Variants in CRMP1 observed in about 807,000 individuals in gnomAD.
CRMP1 encodes the protein collapsin response mediator protein 1, also known as dihydropyrimidinase-related protein 1.
A neutral mutation model predicts 68.3 loss-of-function variants in CRMP1; 19 were observed. That is an observed-to-expected ratio of 0.28 (90% confidence interval 0.19 to 0.41). The LOEUF (loss-of-function observed/expected upper bound fraction) is 0.41, where lower values mean the gene tolerates loss of function less well. Among genes scored for constraint, CRMP1 ranks in the 10% least tolerant of loss-of-function variants. The pLI, the probability that CRMP1 is intolerant of heterozygous loss-of-function variation, is 1.00. For synonymous variants in CRMP1, 439 were observed against 399.6 expected, an observed-to-expected ratio of 1.10 and a Z score of -1.18; for missense variants, 791 against 967.4, an observed-to-expected ratio of 0.82 and a Z score of 2.42.
rs200993871 is a variant in CRMP1 at position 5,866,652 on chromosome 4, G to C, written c.470+16C>G. 1 of 1,603,378 alleles carries C rather than the reference G, an allele frequency of 6.2e-7. No homozygotes were observed. Among genetic ancestry groups the C allele is most frequent in the Non-Finnish European group, 8.5e-7 (1 of 1,173,920 alleles). On this transcript the variant is annotated intron_variant, in intron 2 of 13. Transcript: ENST00000324989. The surrounding 1 kb of genome is among the most constrained non-coding windows in gnomAD (Gnocchi z 5.9). ...GCGACACAGGTTTCTTAAAAGGTCC[G>C]TTTTGATCAACCCACTTGATAAGTC...
chr4:5,868,458 C>A (rs891374209), intron 1 of CRMP1, among the ~76,000 whole-genome samples: 1 of 151,624 alleles, frequency 6.6e-6, no homozygotes, highest in Non-Finnish European at 1.5e-5. Context: ...CCTGCCACCA[C>A]ACTTGGCTAA....
At position 5,854,169 on chromosome 4, in the gene CRMP1, G is replaced by C. The variant is rs993304417; in HGVS notation, c.820+1974C>G. 3.9e-5 allele frequency among the ~76,000 whole-genome samples: 6 copies of C among 152,234 alleles called. No homozygotes were observed. Among genetic ancestry groups the C allele is most frequent in the Non-Finnish European group, 8.8e-5 (6 of 68,032 alleles). Reference sequence around the variant, plus strand: ...ACTTAACATTAGGTAAGGAAAGTAAGATACAAGACTGTCAATTTCCTTGGA... The same window carrying C: ...ACTTAACATTAGGTAAGGAAAGTAACATACAAGACTGTCAATTTCCTTGGA... On this transcript the variant is annotated intron_variant, in intron 4 of 13. Transcript: ENST00000324989. This position sits in a 1 kb window ranked among gnomAD's most constrained non-coding sequence, Gnocchi z 4.0.
intron 1 of CRMP1, among the ~76,000 whole-genome samples, chr4:5,873,392 A>G (rs865833990): frequency 1.6e-4 from 25 of 152,174 alleles, no homozygotes; most frequent in African/African-American, 5.8e-4. Context: ...TAATTTGTGA[A>G]GAAAAGAAAA....
At chr4:5,862,947 A>G (rs935517779) in intron 2 of CRMP1, among the ~76,000 whole-genome samples, 3 of 152,168 alleles carry the variant, frequency 2.0e-5, no homozygotes, top group Non-Finnish European at 1.5e-5. Context: ...CTGGAACTAC[A>G]CAGGCTTGCA....
intron 11 of CRMP1, among the ~76,000 whole-genome samples, chr4:5,831,961 G>A (rs1425364507): frequency 1.3e-5 from 2 of 152,110 alleles, no homozygotes; most frequent in East Asian, 1.9e-4. Flanking sequence ...TAAACTAAAC[G>A]TGGTCCATCC....
chr4:5,825,697 G>A lies in CRMP1; in HGVS notation c.1804-38C>T. On this transcript the variant is annotated intron_variant, in intron 12 of 13. Coordinates refer to ENST00000324989, the MANE Select transcript of CRMP1 (RefSeq NM_001014809.3). The surrounding 1 kb of genome is among the most constrained non-coding windows in gnomAD (Gnocchi z 4.4). ...AGGGAGAGTGTGATTGATCGACACT[G>A]TGCATGTGTGCCCTTCTGGGCAGAT... 1 of 1,598,864 alleles carries A rather than the reference G, an allele frequency of 6.3e-7. No homozygotes were observed. The highest frequency in any genetic ancestry group is 8.5e-7 in the Non-Finnish European group (1 of 1,171,226).
rs892234528 is a variant in CRMP1 at position 5,858,745 on chromosome 4, G to C, written c.655+2281C>G. Among the ~76,000 whole-genome samples the C allele has an allele frequency of 6.6e-6, 1 of 152,068 alleles. No homozygotes were observed. The highest frequency in any genetic ancestry group is 2.4e-5 in the African/African-American group (1 of 41,400). On this transcript the variant is annotated intron_variant, in intron 3 of 13. Transcript: ENST00000324989. The surrounding 1 kb of genome is among the most constrained non-coding windows in gnomAD (Gnocchi z 5.5). ...CATTGCCCATCACCCATATGAGAAA[G>C]AGCCACAGCCTCATCAGGCCATCGA...
chr4:5,888,397 C>T lies in CRMP1; in HGVS notation c.381+4192G>A. 1.6e-6 allele frequency: 2 copies of T among 1,220,800 alleles called. No individual in the cohort carries two copies. The highest frequency in any genetic ancestry group is 2.0e-6 in the Non-Finnish European group (2 of 980,276). The allele number at this position is 1,220,800 out of a possible 1,614,324, so 75.6% of individuals were successfully genotyped here. ...AGGGATAGAGACACGGACGGAGGCTCGGCGCCCGTGGATGCCCACGCGCGG... is the reference window on the plus strand; with the variant it reads ...AGGGATAGAGACACGGACGGAGGCTTGGCGCCCGTGGATGCCCACGCGCGG... On this transcript the variant is annotated intron_variant, in intron 1 of 13. Transcript: ENST00000324989. This position sits in a 1 kb window ranked among gnomAD's most constrained non-coding sequence, Gnocchi z 6.4.
chr4:5,825,033 G>A lies in CRMP1; in HGVS notation c.1969+461C>T. ...TAAATAGGGTATAATGTTACTTTAT[G>A]GAGTAGTGAGGATAAAATAAAATCA... On this transcript the variant is annotated intron_variant, in intron 13 of 13. Coordinates refer to ENST00000324989, the MANE Select transcript of CRMP1 (RefSeq NM_001014809.3). This position sits in a 1 kb window ranked among gnomAD's most constrained non-coding sequence, Gnocchi z 4.4. The A allele has an allele frequency of 3.0e-6, 3 of 985,248 alleles. No individual in the cohort carries two copies. The highest frequency in any genetic ancestry group is 3.6e-6 in the Non-Finnish European group (3 of 829,776). The allele number at this position is 985,248 out of a possible 1,614,324, so 61.0% of individuals were successfully genotyped here.
In CRMP1 at chr4:5,842,678, T is replaced by A. The variant is rs995420602; in HGVS notation, c.1032+415A>T. ...CACACACACACTAACATACACACAC[T>A]CACACACACACATACACACACAGCC... is the stretch of plus-strand genomic sequence containing the variant. On this transcript the variant is annotated intron_variant, in intron 7 of 13. Transcript: ENST00000324989. This position sits in a 1 kb window ranked among gnomAD's most constrained non-coding sequence, Gnocchi z 4.5. Among the ~76,000 whole-genome samples, 6 of 150,182 alleles carry A rather than the reference T, an allele frequency of 4.0e-5. No individual in the cohort carries two copies. Among genetic ancestry groups the A allele is most frequent in the Middle Eastern group, 3.4e-3 (1 of 292 alleles).
chr4:5,835,377 G>C (rs1455206963), intron 11 of CRMP1, among the ~76,000 whole-genome samples: 2 of 152,194 alleles, frequency 1.3e-5, no homozygotes, highest in Non-Finnish European at 2.9e-5. Flanking sequence ...ATCTTTGGTA[G>C]GTTGCTGGAT....
rs754376510 is a variant in CRMP1, at chr4:5,841,282, C to T, written c.1153+26G>A. 1 of 1,613,786 alleles carries T rather than the reference C, an allele frequency of 6.2e-7. No homozygotes were observed. Among genetic ancestry groups the T allele is most frequent in the African/African-American group, 1.3e-5 (1 of 75,032 alleles). ...CCCCCTTCCAGGCCCCAGCTGCCCCCAGAAGGCCCAGGGCCGGCTGCATAC... is the reference window on the plus strand; with the variant it reads ...CCCCCTTCCAGGCCCCAGCTGCCCCTAGAAGGCCCAGGGCCGGCTGCATAC... On this transcript the variant is annotated intron_variant, in intron 8 of 13. Coordinates refer to ENST00000324989, the MANE Select transcript of CRMP1 (RefSeq NM_001014809.3). The surrounding 1 kb of genome is among the most constrained non-coding windows in gnomAD (Gnocchi z 6.9).
chr4:5,840,126 G>A (rs1163812870), intron 8 of CRMP1, among the ~76,000 whole-genome samples: 2 of 152,202 alleles, frequency 1.3e-5, no homozygotes, highest in Non-Finnish European at 2.9e-5. Context: ...ACATAAGGCA[G>A]GGAAAGCAGC....
At chr4:5,869,816 T>C (rs1175125286) in intron 1 of CRMP1, among the ~76,000 whole-genome samples, 1 of 151,280 alleles carries the variant, frequency 6.6e-6, no homozygotes, top group Middle Eastern at 3.2e-3. Context: ...GGTTCCAGGG[T>C]CTGGAGGGAG....
rs1553910126 is a variant in CRMP1, at chr4:5,891,187, C to CACACACACACAT, written c.381+1401_381+1402insATGTGTGTGTGT. 2.0e-5 allele frequency among the ~76,000 whole-genome samples: 3 copies of CACACACACACAT among 150,196 alleles called. No homozygotes were observed. The highest frequency in any genetic ancestry group is 4.4e-5 in the Non-Finnish European group (3 of 67,510). Reference sequence around the variant, plus strand: ...CACCACACACACATACACACACACACACACACACACACACACACACACACA... The same window carrying CACACACACACAT: ...CACCACACACACATACACACACACACACACACACACATACACACACACACACACACACACACA... On this transcript the variant is annotated intron_variant, in intron 1 of 13. Transcript: ENST00000324989. This position sits in a 1 kb window ranked among gnomAD's most constrained non-coding sequence, Gnocchi z 5.2.
chr4:5,860,632 T>C lies in CRMP1; in HGVS notation c.655+394A>G, dbSNP rs63119561. On this transcript the variant is annotated intron_variant, in intron 3 of 13. Coordinates refer to ENST00000324989, the MANE Select transcript of CRMP1 (RefSeq NM_001014809.3). This position sits in a 1 kb window ranked among gnomAD's most constrained non-coding sequence, Gnocchi z 4.2. ...CATCTTCACATCATGTTGAAGGATTTTTTTTTTTTTTGCTTTATCTCCCTA... is the reference window on the plus strand; with the variant it reads ...CATCTTCACATCATGTTGAAGGATTCTTTTTTTTTTTGCTTTATCTCCCTA... Among the ~76,000 whole-genome samples, 2 of 139,126 alleles carry C rather than the reference T, an allele frequency of 1.4e-5. No individual in the cohort carries two copies. The highest frequency in any genetic ancestry group is 5.9e-5 in the African/African-American group (2 of 33,916). 91.3% of individuals were successfully genotyped at this position (139,126 alleles called of 152,430 possible). A position where few individuals can be genotyped will look rare whatever the true frequency, so the allele number is the denominator to read the frequency against.
rs988837383 is a variant in CRMP1, at chr4:5,858,380, T to A, written c.656-2073A>T. On this transcript the variant is annotated intron_variant, in intron 3 of 13. Transcript: ENST00000324989. This position sits in a 1 kb window ranked among gnomAD's most constrained non-coding sequence, Gnocchi z 5.5. ...ACTCAAAAGCTCCCCCAAATGAGAATGTCCAAAACCTCATGCAATACTCTC... is the reference window on the plus strand; with the variant it reads ...ACTCAAAAGCTCCCCCAAATGAGAAAGTCCAAAACCTCATGCAATACTCTC... Among the ~76,000 whole-genome samples the A allele has an allele frequency of 6.6e-6, 1 of 151,054 alleles. No homozygotes were observed. Among genetic ancestry groups the A allele is most frequent in the African/African-American group, 2.4e-5 (1 of 41,050 alleles).
intron 1 of CRMP1, among the ~76,000 whole-genome samples, chr4:5,878,949 C>T (rs1273980271): frequency 6.6e-6 from 1 of 152,116 alleles, no homozygotes; most frequent in Non-Finnish European, 1.5e-5. Flanking sequence ...CTAATACCTA[C>T]CTGCTGACTT....
intron 1 of CRMP1, among the ~76,000 whole-genome samples, chr4:5,873,779 C>T (rs750465675): frequency 1.3e-5 from 2 of 152,112 alleles, no homozygotes; most frequent in South Asian, 2.1e-4. Flanking sequence ...GCCTGGCATG[C>T]CTGGGGATCT....
Sources: gnomAD v4.1 joint callset for allele counts (sites outside exome capture counted in the v4.1 genomes callset) on GRCh38, gnomAD v4.1.1 for gene constraint, Gnocchi (gnomAD v3.1) non-coding constraint, MANE v1.5 for transcripts, NCBI Gene and HGNC (gene_info 2026-07-23, HGNC 2026-07-21) for gene names.